Variants in PADI1 observed in about 807,000 individuals in gnomAD.
The protein encoded by PADI1 is protein-arginine deiminase type-1.
A neutral mutation model predicts 74.8 loss-of-function variants in PADI1; 65 were observed. That is an observed-to-expected ratio of 0.87 (90% CI 0.71 to 1.07). PADI1 has a LOEUF of 1.07. Among genes scored for constraint, PADI1 ranks in the 50% least tolerant of loss-of-function variants. The pLI, the probability that PADI1 is intolerant of heterozygous loss-of-function variation, is 0.00. For missense variants in PADI1, 943 were observed against 854.0 expected, an observed-to-expected ratio of 1.10 and a Z score of -1.30; for synonymous variants, 371 against 336.2, an observed-to-expected ratio of 1.10 and a Z score of -1.13.
At chr1:17,230,761 C>A in intron 10 of PADI1, 82 bp downstream of exon 10, 1 of 759,620 alleles carries the variant, frequency 1.3e-6, no homozygotes, top group Non-Finnish European at 2.2e-6. Context: ...TGGACCTAGT[C>A]CTATAGGGCT....
At chr1:17,235,290 G>GGAAGGAAGGAAC (rs2072611838) in intron 11 of PADI1, among the ~76,000 whole-genome samples, 1 of 140,154 alleles carries the variant, frequency 7.1e-6, no homozygotes, top group Non-Finnish European at 1.5e-5. Context: ...AAGGAAGGAA[G>GGAAGGAAGGAAC]GAGGGAAGGA....
intron 1 of PADI1, among the ~76,000 whole-genome samples, chr1:17,215,552 G>A (rs2071954714): frequency 6.6e-6 from 1 of 151,950 alleles, no homozygotes; most frequent in Non-Finnish European, 1.5e-5. Context: ...TGAGTGGGGT[G>A]GAGCAGGAGT....
intron 10 of PADI1, among the ~76,000 whole-genome samples, chr1:17,231,699 T>C (rs755852782): frequency 6.6e-6 from 1 of 152,302 alleles, no homozygotes; most frequent in Non-Finnish European, 1.5e-5. Flanking sequence ...TTTCTTTGTG[T>C]TTAGTTTGCT....
chr1:17,220,741 G>C (rs566385070), intron 1 of PADI1, among the ~76,000 whole-genome samples: 15 of 152,128 alleles, frequency 9.9e-5, no homozygotes, highest in African/African-American at 3.6e-4. Flanking sequence ...CCTCTCCAGA[G>C]TGTGAGCGCC....
In PADI1 at chr1:17,206,386, TG is replaced by T. The variant is rs374890539; in HGVS notation, c.92+1079del. Among the ~76,000 whole-genome samples, 443 of 152,212 alleles carry T rather than the reference TG, an allele frequency of 2.9e-3. 3 individuals carry two copies. The highest frequency in any genetic ancestry group is 1.0e-2 in the African/African-American group (414 of 41,540). The stretch of plus-strand genomic sequence containing the variant: ...GTTGGGCAGTGGTCTGTGACCCCGG[TG>T]GCAGGGCTGGGGAGGAAAACCAGGA... On this transcript the variant is annotated intron_variant, in intron 1 of 15. Transcript: ENST00000375471.
At chr1:17,224,999 C>A (rs1475148174) in intron 4 of PADI1, among the ~76,000 whole-genome samples, 2 of 152,134 alleles carry the variant, frequency 1.3e-5, no homozygotes, top group African/African-American at 4.8e-5. Flanking sequence ...GGCAGGGCTG[C>A]CATGGATGGC....
chr1:17,220,856 C>G (rs77513089), intron 1 of PADI1, among the ~76,000 whole-genome samples: 1 of 152,170 alleles, frequency 6.6e-6, no homozygotes, highest in African/African-American at 2.4e-5. Context: ...GAGATGCCAC[C>G]CACAGAGGCC....
chr1:17,218,167 C>G (rs1401014177), intron 1 of PADI1, among the ~76,000 whole-genome samples: 1 of 152,164 alleles, frequency 6.6e-6, no homozygotes, highest in African/African-American at 2.4e-5. Flanking sequence ...CAAATTGCAA[C>G]CACAGGTTGG....
Position 17,244,486 on chromosome 1 carries a change from C to G in PADI1, c.*243C>G. 2 of 618,876 alleles carry G rather than the reference C, an allele frequency of 3.2e-6. No individual in the cohort carries two copies. The highest frequency in any genetic ancestry group is 6.0e-6 in the Non-Finnish European group (2 of 331,724). 38.3% of individuals were successfully genotyped at this position (618,876 alleles called of 1,614,324 possible). ...TGGCCTCTTTCCCACCCACAGCCCC[C>G]AGAGGCTCTAGATCAACAATGTTAG... On this transcript the variant is annotated 3_prime_UTR_variant, in exon 16 of 16. Coordinates refer to ENST00000375471, the MANE Select transcript of PADI1 (RefSeq NM_013358.3).
rs1471332109 is a variant in PADI1, at chr1:17,244,672, C to A, written c.*429C>A. 1 of 353,710 alleles carries A rather than the reference C, an allele frequency of 2.8e-6. No homozygotes were observed. The highest frequency in any genetic ancestry group is 7.5e-5 in the East Asian group (1 of 13,412). The allele number at this position is 353,710 out of a possible 1,614,324, so 21.9% of individuals were successfully genotyped here. On this transcript the variant is annotated 3_prime_UTR_variant, in exon 16 of 16. Coordinates refer to ENST00000375471, the MANE Select transcript of PADI1 (RefSeq NM_013358.3). Reference sequence around the variant, plus strand: ...GGGGTCTGGTGTGCCAGGCACCAGGCTGCCTCTGCTCTTGGAAAACTAGGA... The same window carrying A: ...GGGGTCTGGTGTGCCAGGCACCAGGATGCCTCTGCTCTTGGAAAACTAGGA...
intron 15 of PADI1, among the ~76,000 whole-genome samples, chr1:17,241,484 A>G (rs1293673897): frequency 1.3e-5 from 2 of 149,468 alleles, no homozygotes; most frequent in African/African-American, 2.5e-5. Flanking sequence ...ATCGGGATGG[A>G]ATCAGGGTTG....
At chr1:17,223,978 T>C (rs1275079991) in intron 3 of PADI1, among the ~76,000 whole-genome samples, 3 of 152,140 alleles carry the variant, frequency 2.0e-5, no homozygotes, top group Non-Finnish European at 4.4e-5. Context: ...TCATTAGACC[T>C]CCAAGACCCA....
At chr1:17,240,484 G>A in intron 14 of PADI1, 151 bp from the exon 15 acceptor site, 1 of 791,008 alleles carries the variant, frequency 1.3e-6, no homozygotes, top group Non-Finnish European at 2.0e-6. Flanking sequence ...GTTTCCCCCG[G>A]ACAGCAATGG....
At chr1:17,224,958 GC>G (rs2072267321) in intron 4 of PADI1, among the ~76,000 whole-genome samples, 1 of 152,146 alleles carries the variant, frequency 6.6e-6, no homozygotes, top group Non-Finnish European at 1.5e-5. Context: ...CAGAGAGGCA[GC>G]CTGGATCACA....
At chr1:17,237,083 A>G (rs2072660859) in intron 11 of PADI1, among the ~76,000 whole-genome samples, 1 of 152,228 alleles carries the variant, frequency 6.6e-6, no homozygotes. Context: ...AGGAGGCTTA[A>G]ACAAGACACT....
rs2072300065 is a variant in PADI1 at position 17,226,048 on chromosome 1, C to A, written c.542C>A (p.Ser181Tyr). Residue 181 changes from serine to tyrosine, a missense_variant, in exon 6 of 16, where the codon TCC becomes TAC. Coordinates refer to ENST00000375471, the MANE Select transcript of PADI1 (RefSeq NM_013358.3). ...LMSLADLQDM[S>Y]PMLLSCNGPD... Reference sequence around the variant, plus strand: ...CTCTCTCCAGACCTGCAGGACATGTCCCCAATGCTGCTGAGCTGCAATGGC... The same window carrying A: ...CTCTCTCCAGACCTGCAGGACATGTACCCAATGCTGCTGAGCTGCAATGGC... 1 of 1,614,078 alleles carries A rather than the reference C, an allele frequency of 6.2e-7. No individual in the cohort carries two copies. The highest frequency in any genetic ancestry group is 1.3e-5 in the African/African-American group (1 of 74,930).
At chr1:17,236,861 C>T (rs2072655545) in intron 11 of PADI1, among the ~76,000 whole-genome samples, 1 of 152,142 alleles carries the variant, frequency 6.6e-6, no homozygotes, top group Non-Finnish European at 1.5e-5. Context: ...AAAGATGTGG[C>T]TACTTAGGAG....
At chr1:17,240,593 G>T in intron 14 of PADI1, 42 bp from the exon 15 acceptor site, 1 of 1,597,654 alleles carries the variant, frequency 6.3e-7, no homozygotes, top group East Asian at 2.2e-5. Flanking sequence ...CCAGTGTTAT[G>T]CTCTTCCTAG....
Position 17,224,378 on chromosome 1 carries a change from G to A in PADI1, c.358G>A (p.Glu120Lys), listed in dbSNP as rs753869961. ...CCATCTCTTTGCAGATATTTCCCTT[G>A]AGGTTGACACAGGCCGCACAGGCAA... ...LYLTGVDISL[E>K]VDTGRTGKVK... The change falls in exon 4 of 16, where the codon GAG becomes AAG. Residue 120 changes from glutamate to lysine, a missense_variant. Transcript: ENST00000375471. The A allele has an allele frequency of 6.2e-7, 1 of 1,613,922 alleles. No homozygotes were observed. Among genetic ancestry groups the A allele is most frequent in the Non-Finnish European group, 8.5e-7 (1 of 1,179,888 alleles).
Sources: gnomAD v4.1 joint callset for allele counts (sites outside exome capture counted in the v4.1 genomes callset) on GRCh38, gnomAD v4.1.1 for gene constraint, MANE v1.5 for transcripts, NCBI Gene and HGNC (gene_info 2026-07-23, HGNC 2026-07-21) for gene names.